The following GSE1 variants were observed in gnomAD, a reference collection of about 807,000 sequenced individuals.
The protein encoded by GSE1 is Gse1 coiled-coil protein, also known as genetic suppressor element 1.
Under a neutral mutation model 112.6 loss-of-function variants are expected in GSE1, and 32 were observed. The observed-to-expected ratio is 0.28, with a 90% CI of 0.21 to 0.38. GSE1 has a LOEUF of 0.38. Ranked by LOEUF, GSE1 falls within the 10% of genes least tolerant of loss-of-function variation. GSE1 has a pLI of 1.00. For synonymous variants in GSE1, 1,115 were observed against 735.6 expected (o/e 1.52, Z -8.35); for missense variants, 2,348 against 1,699.2 (o/e 1.38, Z -6.71).
chr16:85,392,981 C>A (rs534828577), intron 2 of GSE1, among the ~76,000 whole-genome samples: 1 of 152,230 alleles, frequency 6.6e-6, no homozygotes, highest in Non-Finnish European at 1.5e-5. Context: ...TCTTTGGGCT[C>A]GGCCTCCTCC....
chr16:85,648,760 G>GGC lies in GSE1; in HGVS notation c.426+11_426+12dup. ...GGAGTGAGAGCCGGCAGGTGAGTGGGGCGGGGCAGGGAGCCTAGCGTCCTC... is the reference window on the plus strand; with the variant it reads ...GGAGTGAGAGCCGGCAGGTGAGTGGGGCGCGGGGCAGGGAGCCTAGCGTCCTC... On this transcript the variant is annotated intron_variant, in intron 3 of 15. Transcript: ENST00000253458. 3 of 1,545,560 alleles carry GGC rather than the reference G, an allele frequency of 1.9e-6. No homozygotes were observed. Among genetic ancestry groups the GGC allele is most frequent in the Non-Finnish European group, 2.6e-6 (3 of 1,140,000 alleles).
At chr16:85,383,342 A>G (rs2047603030) in intron 2 of GSE1, among the ~76,000 whole-genome samples, 1 of 151,712 alleles carries the variant, frequency 6.6e-6, no homozygotes, top group African/African-American at 2.4e-5. Context: ...ACACCGTGAC[A>G]TACACCTGCA....
intron 2 of GSE1, among the ~76,000 whole-genome samples, chr16:85,412,725 C>T (rs1375310124): frequency 6.7e-6 from 1 of 150,132 alleles, no homozygotes; most frequent in African/African-American, 2.5e-5. Flanking sequence ...CTGTTACTCT[C>T]AGGCCCCCCG....
At chr16:85,584,546 C>G (rs1452115813) in intron 1 of GSE1, among the ~76,000 whole-genome samples, 1 of 152,228 alleles carries the variant, frequency 6.6e-6, no homozygotes, top group Non-Finnish European at 1.5e-5. Flanking sequence ...GCCTGCGAAG[C>G]AGTAGGATCG....
At chr16:85,377,439 A>G (rs574352246) in intron 2 of GSE1, among the ~76,000 whole-genome samples, 1 of 152,334 alleles carries the variant, frequency 6.6e-6, no homozygotes, top group Admixed American at 6.5e-5. Context: ...AGAGATGCCA[A>G]TGGAAACCTC....
chr16:85,431,270 A>C (rs1421822387), intron 2 of GSE1, among the ~76,000 whole-genome samples: 1 of 152,210 alleles, frequency 6.6e-6, no homozygotes, highest in Non-Finnish European at 1.5e-5. Context: ...TGCTGGCAGA[A>C]GCCAGCCTCC....
chr16:85,207,334 C>G lies in GSE1; in HGVS notation c.2283+35527C>G, dbSNP rs191599129. Among the ~76,000 whole-genome samples the G allele has an allele frequency of 2.6e-5, 4 of 152,374 alleles. No individual in the cohort carries two copies. In the East Asian group the frequency reaches 7.7e-4, roughly 29 times the overall value. On this transcript the variant is annotated intron_variant, in intron 1 of 2. Transcript: ENST00000637419. ...ACTGGGAAGGTCTTCAGGGCCGGCT[C>G]TGCTGTGCTGCACTGGGGGCCCCTG...
chr16:85,556,381 C>T (rs2045211019), intron 1 of GSE1: 2 of 982,234 alleles, frequency 2.0e-6, no homozygotes, highest in South Asian at 4.7e-5. Context: ...AGCCGTGCGC[C>T]TCCCTGGGTC....
chr16:85,296,125 G>T (rs2045359582), intron 1 of GSE1, among the ~76,000 whole-genome samples: 1 of 152,162 alleles, frequency 6.6e-6, no homozygotes, highest in Non-Finnish European at 1.5e-5. Context: ...GAGGGGGGAT[G>T]TGGGAGCGGA....
intron 2 of GSE1, among the ~76,000 whole-genome samples, chr16:85,365,089 G>A (rs2047159400): frequency 6.6e-6 from 1 of 152,196 alleles, no homozygotes; most frequent in Non-Finnish European, 1.5e-5. Flanking sequence ...GCCAGTGACT[G>A]GCAGCTGTGG....
chr16:85,663,371 T>C lies in GSE1; in HGVS notation c.2401T>C (p.Leu801=), dbSNP rs2052586455. Residue 801 remains leucine, a synonymous_variant, in exon 11 of 16, where the codon TTG becomes CTG. Coordinates refer to ENST00000253458, the MANE Select transcript of GSE1 (RefSeq NM_014615.5). ...GCTAGAGTTTTTGCAACTTTTTGGC[T>C]TGACCACCCAACAGCAGAAGGAGGA... is the stretch of plus-strand genomic sequence containing the variant. The part of the protein sequence containing the change: ...EKLEFLQLFG[L]TTQQQKEELV... The C allele has an allele frequency of 1.2e-6, 2 of 1,613,890 alleles. No individual in the cohort carries two copies. The highest frequency in any genetic ancestry group is 1.3e-5 in the African/African-American group (1 of 75,028).
chr16:85,475,724 G>C (rs2050431209), intron 2 of GSE1, among the ~76,000 whole-genome samples: 1 of 152,068 alleles, frequency 6.6e-6, no homozygotes, highest in Non-Finnish European at 1.5e-5. Flanking sequence ...GCTTGTACTG[G>C]GAAGAAAGAG....
intron 1 of GSE1, among the ~76,000 whole-genome samples, chr16:85,187,977 A>G (rs558686047): frequency 6.6e-6 from 1 of 152,310 alleles, no homozygotes; most frequent in South Asian, 2.1e-4. Context: ...CTGGCCTTGT[A>G]GCAGGACCCC....
chr16:85,415,377 T>G (rs2048680117), intron 2 of GSE1, among the ~76,000 whole-genome samples: 1 of 152,224 alleles, frequency 6.6e-6, no homozygotes, highest in South Asian at 2.1e-4. Flanking sequence ...AATGAATGAA[T>G]GAACAAATGA....
intron 1 of GSE1, among the ~76,000 whole-genome samples, chr16:85,291,699 A>G (rs934626468): frequency 2.6e-5 from 4 of 151,982 alleles, no homozygotes; most frequent in African/African-American, 9.7e-5. Flanking sequence ...CCCTCCCTAC[A>G]CTGCCCTCAC....
chr16:85,183,448 G>A (rs1000463011), intron 1 of GSE1, among the ~76,000 whole-genome samples: 3 of 152,188 alleles, frequency 2.0e-5, no homozygotes, highest in African/African-American at 4.8e-5. Context: ...TACAGGGTGG[G>A]GTTGGAGAGG....
Position 85,447,522 on chromosome 16 carries a change from C to T in GSE1, c.2464+89879C>T, listed in dbSNP as rs117508371. ...TCAGGTTGGCTACGGAGCTGGCTCA[C>T]GCAGGTGCTCAGCACATACCAGCTG... On this transcript the variant is annotated intron_variant, in intron 2 of 2. Transcript: ENST00000637419. Among the ~76,000 whole-genome samples, 975 of 152,364 alleles carry T rather than the reference C, an allele frequency of 6.4e-3. 5 individuals are homozygous for T. The highest frequency in any genetic ancestry group is 0.014 in the Middle Eastern group (4 of 294).
At chr16:85,218,704 A>G (rs761924839) in intron 1 of GSE1, among the ~76,000 whole-genome samples, 1 of 152,220 alleles carries the variant, frequency 6.6e-6, no homozygotes, top group Non-Finnish European at 1.5e-5. Context: ...TGGCTCACCC[A>G]TGACCTGCCT....
chr16:85,657,391 C>G lies in GSE1; in HGVS notation c.1427C>G (p.Ser476Cys), dbSNP rs1012406344. Reference sequence around the variant, plus strand: ...CTCATCTCCAACCATGGCATCTTCTCTCTGCCTAGCAGCAGTGCTGCCACA... The same window carrying G: ...CTCATCTCCAACCATGGCATCTTCTGTCTGCCTAGCAGCAGTGCTGCCACA... ...PSLISNHGIFSLPSSSAATAL... is the reference protein window; with the variant it reads ...PSLISNHGIFCLPSSSAATAL... The change falls in exon 8 of 16, where the codon TCT (serine) becomes TGT (cysteine). Residue 476 changes from serine (S) to cysteine (C), a missense_variant. By Grantham distance (112) the Ser-to-Cys change is moderately radical (BLOSUM62 -1). Transcript: ENST00000253458. 1.2e-6 allele frequency: 2 copies of G among 1,612,592 alleles called. No homozygotes were observed. The highest frequency in any genetic ancestry group is 1.3e-5 in the African/African-American group (1 of 74,938).
Sources: gnomAD v4.1 joint callset for allele counts (sites outside exome capture counted in the v4.1 genomes callset) on GRCh38, gnomAD v4.1.1 for gene constraint, MANE v1.5 for transcripts, NCBI Gene and HGNC (gene_info 2026-07-23, HGNC 2026-07-21) for gene names.